Variants in TUT7 observed in about 807,000 individuals in gnomAD.
The protein encoded by TUT7 is terminal uridylyl transferase 7, also known as terminal uridylyltransferase 7.
A neutral mutation model predicts 165.9 loss-of-function variants in TUT7; 33 were observed. That is an observed-to-expected ratio of 0.20 (90% CI 0.15 to 0.27). TUT7 has a LOEUF of 0.27. Ranked by LOEUF, TUT7 falls within the 10% of genes least tolerant of loss-of-function variation. The pLI, the probability that TUT7 is intolerant of heterozygous loss-of-function variation, is 1.00. For synonymous variants in TUT7, 552 were observed against 608.1 expected (o/e 0.91, Z 1.36); for missense variants, 1,338 against 1,762.3 (o/e 0.76, Z 4.31).
chr9:86,320,147 C>T (rs536637051), intron 14 of TUT7, among the ~76,000 whole-genome samples: 2 of 151,876 alleles, frequency 1.3e-5, no homozygotes, highest in South Asian at 4.2e-4. Context: ...CAGAAATCAC[C>T]ACCCCGCTAA....
intron 17 of TUT7, 78 bp downstream of exon 17, chr9:86,317,141 C>G: frequency 7.7e-7 from 1 of 1,292,548 alleles, no homozygotes; most frequent in South Asian, 1.2e-5. Flanking sequence ...ACAAATACCC[C>G]ATGGATACCA....
chr9:86,340,809 CTTATGAAATGGTTATTCTGCATAGTAGAA>C (rs2131564834), intron 7 of TUT7, among the ~76,000 whole-genome samples, 164 bp downstream of exon 7: 1 of 152,312 alleles, frequency 6.6e-6, no homozygotes, highest in Non-Finnish European at 1.5e-5. Flanking sequence ...AAAAGCTTTA[CTTATGAAATGGTTATTCTGCATAGTAGAA>C]CTACTAACAG....
In TUT7 at chr9:86,318,382, C is replaced by A. The variant is rs1181345394; in HGVS notation, c.3216+576G>T. On this transcript the variant is annotated intron_variant, in intron 16 of 26. Transcript: ENST00000375963. ...TTCTGTCCCAATAAAACTTTATTTACAAAAACAGGCAGTGGGGGGCTGAAT... is the reference window on the plus strand; with the variant it reads ...TTCTGTCCCAATAAAACTTTATTTAAAAAAACAGGCAGTGGGGGGCTGAAT... Among the ~76,000 whole-genome samples, 3 of 152,178 alleles carry A rather than the reference C, an allele frequency of 2.0e-5. No homozygotes were observed. In the East Asian group the frequency reaches 5.8e-4, roughly 29 times the overall value.
chr9:86,307,012 G>C (rs540743327), intron 22 of TUT7, among the ~76,000 whole-genome samples: 1 of 152,272 alleles, frequency 6.6e-6, no homozygotes, highest in African/African-American at 2.4e-5. Flanking sequence ...GCTCACGCCT[G>C]TAATCCCAGC....
Position 86,323,464 on chromosome 9 carries a change from C to T in TUT7, c.2286G>A (p.Leu762=), listed in dbSNP as rs1829508581. Residue 762 remains leucine (L), a synonymous_variant, in exon 13 of 27, where the codon CTG becomes CTA. Coordinates refer to ENST00000375963, the MANE Select transcript of TUT7 (RefSeq NM_024617.4). ...CTCCACGTTTCTGATCAACAGTCAA[C>T]AGATGCTTGCCCTTCCTTCCAACTT... The part of the protein sequence containing the change: ...KEKVGRKGKH[L]LTVDQKRGEH... 2 of 1,614,244 alleles carry T rather than the reference C, an allele frequency of 1.2e-6. No individual in the cohort carries two copies. Among genetic ancestry groups the T allele is most frequent in the Admixed American group, 1.7e-5 (1 of 60,030 alleles).
chr9:86,325,187 T>C (rs1829680913), intron 12 of TUT7, 147 bp downstream of exon 12: 4 of 715,300 alleles, frequency 5.6e-6, no homozygotes, highest in Middle Eastern at 2.5e-4. Flanking sequence ...TGTTAACACA[T>C]GCAAGATTCT....
At chr9:86,324,111 G>C (rs1277878887) in intron 12 of TUT7, 151 bp from the exon 13 acceptor site, 1 of 720,336 alleles carries the variant, frequency 1.4e-6, no homozygotes, top group Admixed American at 3.6e-5. Context: ...AAAACTGGGG[G>C]TGGGGAGTAA....
At position 86,340,103 on chromosome 9, in the gene TUT7, A is replaced by C; in HGVS notation, c.1141T>G (p.Ser381Ala). 6.2e-7 allele frequency: 1 copy of C among 1,613,084 alleles called. No homozygotes were observed. Among genetic ancestry groups the C allele is most frequent in the Non-Finnish European group, 8.5e-7 (1 of 1,179,268 alleles). ...LVQECLKNSD[S>A]FIDVDADFHA... is the part of the protein sequence containing the mutation. Reference sequence around the variant, plus strand: ...AAGTCTGCATCAACATCAATAAAGGAGTCTGAGGAAAGAAGAAGAAAAATA... The same window carrying C: ...AAGTCTGCATCAACATCAATAAAGGCGTCTGAGGAAAGAAGAAGAAAAATA... Residue 381 changes from serine to alanine, a missense_variant and splice_region_variant, in exon 8 of 27, where the codon TCC becomes GCC. This residue lies in a region of TUT7 where 434 missense variants were observed against 480.8 expected (regional missense o/e 0.90). Coordinates refer to ENST00000375963, the MANE Select transcript of TUT7 (RefSeq NM_024617.4).
At chr9:86,293,976 C>T (rs556522469) in intron 26 of TUT7, among the ~76,000 whole-genome samples, 1 of 152,290 alleles carries the variant, frequency 6.6e-6, no homozygotes, top group African/African-American at 2.4e-5. Context: ...GAACTCCCAA[C>T]CTCAGGTGAT....
intron 24 of TUT7, among the ~76,000 whole-genome samples, chr9:86,304,036 A>G (rs1276484543): frequency 6.6e-6 from 1 of 152,196 alleles, no homozygotes; most frequent in Non-Finnish European, 1.5e-5. Context: ...GACAGGAGGA[A>G]TAAGTTTTGA....
chr9:86,311,668 G>A lies in TUT7; in HGVS notation c.3275-859C>T, dbSNP rs7859436. Among the ~76,000 whole-genome samples, 724 of 152,064 alleles carry A rather than the reference G, an allele frequency of 4.8e-3. 10 individuals are homozygous for A. The highest frequency in any genetic ancestry group is 0.016 in the African/African-American group (658 of 41,470). On this transcript the variant is annotated intron_variant, in intron 17 of 26. Coordinates refer to ENST00000375963, the MANE Select transcript of TUT7 (RefSeq NM_024617.4). The surrounding 1 kb of genome is among the most constrained non-coding windows in gnomAD (Gnocchi z 4.4). ...CTGATGCCGGTCTCCCTCTGATGCC[G>A]AGCCGAAGCTGGACTGTACCGCTGC...
At chr9:86,319,473 T>G (rs760279393) in intron 15 of TUT7, 111 bp downstream of exon 15, 2 of 774,434 alleles carry the variant, frequency 2.6e-6, no homozygotes, top group African/African-American at 3.5e-5. Flanking sequence ...CTGGGTATAT[T>G]GCAAAACAAT....
At chr9:86,350,128 G>A (rs1477976086) in intron 2 of TUT7, among the ~76,000 whole-genome samples, 2 of 151,988 alleles carry the variant, frequency 1.3e-5, no homozygotes, top group Non-Finnish European at 2.9e-5. Context: ...TCAGGGTATC[G>A]AGACTACCCC....
chr9:86,353,162 G>A lies in TUT7; in HGVS notation c.38C>T (p.Thr13Ile). ...ATCATCCATAGTCCCCCGGTCTTTAGTGCGCTTCACGAAATAAGGTTTTGC... is the reference window on the plus strand; with the variant it reads ...ATCATCCATAGTCCCCCGGTCTTTAATGCGCTTCACGAAATAAGGTTTTGC... ...DTAKPYFVKR[T>I]KDRGTMDDDD... The change falls in exon 2 of 27, where the codon ACT (threonine) becomes ATT (isoleucine). Residue 13 changes from threonine (T) to isoleucine (I), a missense_variant. Thr to Ile is a moderately conservative substitution (Grantham distance 89). Coordinates refer to ENST00000375963, the MANE Select transcript of TUT7 (RefSeq NM_024617.4). 1.3e-6 allele frequency: 2 copies of A among 1,595,826 alleles called. No individual in the cohort carries two copies. The highest frequency in any genetic ancestry group is 1.1e-5 in the South Asian group (1 of 87,504).
intron 26 of TUT7, among the ~76,000 whole-genome samples, chr9:86,297,607 C>A (rs1826445895): frequency 6.6e-6 from 1 of 152,060 alleles, no homozygotes; most frequent in African/African-American, 2.4e-5. Flanking sequence ...GTGGGAGGAT[C>A]ACATGAGGCC....
intron 14 of TUT7, among the ~76,000 whole-genome samples, chr9:86,320,257 C>CAAAA (rs10656642): frequency 2.7e-5 from 3 of 112,334 alleles, no homozygotes; most frequent in Admixed American, 9.3e-5. Flanking sequence ...AAAAATTTCC[C>CAAAA]AAAAAAAAAA....
At chr9:86,297,289 G>A (rs991345814) in intron 26 of TUT7, among the ~76,000 whole-genome samples, 4 of 152,120 alleles carry the variant, frequency 2.6e-5, no homozygotes, top group African/African-American at 7.2e-5. Flanking sequence ...TGCAGGCGCT[G>A]TTCTAAGTAC....
intron 11 of TUT7, 110 bp from the exon 12 acceptor site, chr9:86,325,624 G>T (rs1205778141): frequency 6.3e-6 from 6 of 959,466 alleles, no homozygotes; most frequent in African/African-American, 1.7e-5. Flanking sequence ...CCTTAACAAA[G>T]ATATAAGCCT....
chr9:86,327,329 A>T (rs999990539), intron 11 of TUT7, among the ~76,000 whole-genome samples: 1 of 152,216 alleles, frequency 6.6e-6, no homozygotes, highest in Non-Finnish European at 1.5e-5. Flanking sequence ...TTTCTTTTTC[A>T]AATAAAATAA....
Sources: gnomAD v4.1 joint callset for allele counts (sites outside exome capture counted in the v4.1 genomes callset) on GRCh38, gnomAD v4.1.1 for gene constraint, gnomAD v4.1.1 regional missense constraint, Gnocchi (gnomAD v3.1) non-coding constraint, MANE v1.5 for transcripts, NCBI Gene and HGNC (gene_info 2026-07-23, HGNC 2026-07-21) for gene names.